The following LPAR3 variants were observed in gnomAD, a reference collection of about 807,000 sequenced individuals.
LPAR3 encodes the protein lysophosphatidic acid receptor 3, also known as LPA receptor 3.
Under a neutral mutation model 17.8 loss-of-function variants are expected in LPAR3, and 7 were observed. The ratio of observed to expected loss-of-function variants is 0.39; its 90% CI spans 0.22 to 0.74. The LOEUF (loss-of-function observed/expected upper bound fraction) is 0.74. Among genes scored for constraint, LPAR3 ranks in the 30% least tolerant of loss-of-function variants. LPAR3 has a pLI of 0.40. For missense variants in LPAR3, 391 were observed against 453.4 expected (o/e 0.86, Z 1.25); for synonymous variants, 179 against 179.9 (o/e 0.99, Z 0.04).
chr1:84,831,517 T>TTA (rs749343752), intron 2 of LPAR3, among the ~76,000 whole-genome samples: 38 of 143,916 alleles, frequency 2.6e-4, no homozygotes, highest in Admixed American at 4.4e-4. Flanking sequence ...TTACATTGCA[T>TTA]TATATATATA....
chr1:84,822,207 T>A (rs1042866746), intron 2 of LPAR3, among the ~76,000 whole-genome samples: 3 of 152,162 alleles, frequency 2.0e-5, no homozygotes, highest in Non-Finnish European at 4.4e-5. Context: ...AATTTTTTTT[T>A]ATTTTAATGA....
chr1:84,817,163 T>C (rs910090133), intron 2 of LPAR3, among the ~76,000 whole-genome samples: 1 of 152,146 alleles, frequency 6.6e-6, no homozygotes, highest in African/African-American at 2.4e-5. Context: ...AGTCTGAGCA[T>C]TGAGGCTAAA....
chr1:84,830,156 G>T lies in LPAR3; in HGVS notation c.737-15985C>A, dbSNP rs920526800. 2.0e-5 allele frequency among the ~76,000 whole-genome samples: 3 copies of T among 152,306 alleles called. No homozygotes were observed. The South Asian group carries it at 6.2e-4, about 32-fold the overall frequency. On this transcript the variant is annotated intron_variant, in intron 2 of 2. Coordinates refer to ENST00000370611, the MANE Select transcript of LPAR3 (RefSeq NM_012152.3). ...TCTTGGTCAAGGTCAACCTGTTCTC[G>T]TAGCTAGTTCTGCTAGTTCTCTCTC...
Position 84,879,316 on chromosome 1 carries a change from C to CTTTTTTTTTTTTTTTTTTTT in LPAR3, c.-18-13179_-18-13178insAAAAAAAAAAAAAAAAAAAA, listed in dbSNP as rs1187756554. 7.7e-4 allele frequency among the ~76,000 whole-genome samples: 93 copies of CTTTTTTTTTTTTTTTTTTTT among 120,612 alleles called. 1 individual carries two copies. The highest frequency in any genetic ancestry group is 1.3e-3 in the African/African-American group (38 of 28,660). The allele number at this position is 120,612 out of a possible 152,430, so 79.1% of individuals were successfully genotyped here. A position where few individuals can be genotyped will look rare whatever the true frequency, so the allele number is the denominator to read the frequency against. ...TTTTCTTTCTTTTCTTTTCTTTTTT[C>CTTTTTTTTTTTTTTTTTTTT]TTTTTTTTTTTTTGAGATGGAATCT... On this transcript the variant is annotated intron_variant, in intron 1 of 2. Coordinates refer to ENST00000370611, the MANE Select transcript of LPAR3 (RefSeq NM_012152.3).
intron 1 of LPAR3, among the ~76,000 whole-genome samples, chr1:84,868,316 G>T (rs1235247872): frequency 2.0e-5 from 3 of 152,062 alleles, no homozygotes. Flanking sequence ...CACCATGTTG[G>T]CCAGGATGGT....
chr1:84,881,246 G>A (rs1660360377), intron 1 of LPAR3, among the ~76,000 whole-genome samples: 1 of 151,890 alleles, frequency 6.6e-6, no homozygotes, highest in Non-Finnish European at 1.5e-5. Context: ...AAGGGGAGGG[G>A]AAGCTTCAGA....
At chr1:84,865,224 T>C (rs935137703) in intron 2 of LPAR3, among the ~76,000 whole-genome samples, 161 bp downstream of exon 2, 1 of 152,226 alleles carries the variant, frequency 6.6e-6, no homozygotes, top group Non-Finnish European at 1.5e-5. Context: ...TATTTTATCT[T>C]TCCTTATTAG....
At chr1:84,855,497 C>G (rs765798980) in intron 2 of LPAR3, among the ~76,000 whole-genome samples, 4 of 152,086 alleles carry the variant, frequency 2.6e-5, no homozygotes, top group Non-Finnish European at 5.9e-5. Flanking sequence ...TCAAAGAGGT[C>G]AAATTTGAGA....
chr1:84,814,062 C>A lies in LPAR3; in HGVS notation c.846G>T (p.Ala282=). The change falls in exon 3 of 3, where the codon GCG becomes GCT. Residue 282 remains alanine (A), a synonymous_variant. Coordinates refer to ENST00000370611, the MANE Select transcript of LPAR3 (RefSeq NM_012152.3). The part of the protein sequence containing the change: ...QHVKRWFLLL[A]LLNSVVNPII... ...TGGGGTTCACGACGGAGTTGAGCAG[C>A]GCCAGCAGCAGGAACCACCTTTTCA... 1 of 1,614,128 alleles carries A rather than the reference C, an allele frequency of 6.2e-7. No individual in the cohort carries two copies. Among genetic ancestry groups the A allele is most frequent in the South Asian group, 1.1e-5 (1 of 91,074 alleles).
chr1:84,869,864 T>C (rs1051710897), intron 1 of LPAR3, among the ~76,000 whole-genome samples: 15 of 152,210 alleles, frequency 9.9e-5, no homozygotes, highest in African/African-American at 3.6e-4. Context: ...CTTCAGGGTT[T>C]TTCAGTGACA....
At chr1:84,857,650 T>C (rs1256036963) in intron 2 of LPAR3, among the ~76,000 whole-genome samples, 3 of 152,226 alleles carry the variant, frequency 2.0e-5, no homozygotes, top group Non-Finnish European at 4.4e-5. Flanking sequence ...AAATGAACTT[T>C]ATAGAAACCA....
chr1:84,886,893 AT>A (rs1660471306), intron 1 of LPAR3, among the ~76,000 whole-genome samples: 1 of 152,202 alleles, frequency 6.6e-6, no homozygotes, highest in East Asian at 1.9e-4. Flanking sequence ...AGGGGTCCCC[AT>A]TGGCCAAATT....
chr1:84,852,568 G>A (rs545868348), intron 2 of LPAR3, among the ~76,000 whole-genome samples: 4 of 152,186 alleles, frequency 2.6e-5, no homozygotes, highest in Admixed American at 6.5e-5. Flanking sequence ...GTGTGCACGT[G>A]ACAGCAGCTG....
chr1:84,848,810 A>G (rs1659640512), intron 2 of LPAR3, among the ~76,000 whole-genome samples: 1 of 152,058 alleles, frequency 6.6e-6, no homozygotes, highest in Non-Finnish European at 1.5e-5. Context: ...GTGAGACAGC[A>G]TTCGTTAAGT....
intron 2 of LPAR3, among the ~76,000 whole-genome samples, chr1:84,847,293 C>A (rs1659610771): frequency 6.6e-6 from 1 of 152,136 alleles, no homozygotes. Flanking sequence ...CTTCAGAATA[C>A]CTCAGTTGTT....
rs1333357536 is a variant in LPAR3 at position 84,811,608 on chromosome 1, C to G, written c.*2238G>C. ...TGCACCTCAACAAGAGAGAACAGAT[C>G]TTTTAAAATTTTATTTTATAGGTAG... On this transcript the variant is annotated 3_prime_UTR_variant, in exon 3 of 3. Transcript: ENST00000370611. The G allele has an allele frequency of 6.6e-6, 1 of 152,230 alleles. No homozygotes were observed. The highest frequency in any genetic ancestry group is 1.9e-4 in the East Asian group (1 of 5,178). 9.4% of individuals were successfully genotyped at this position (152,230 alleles called of 1,614,324 possible).
chr1:84,818,253 A>G (rs1303923590), intron 2 of LPAR3, among the ~76,000 whole-genome samples: 2 of 152,258 alleles, frequency 1.3e-5, no homozygotes, highest in African/African-American at 2.4e-5. Flanking sequence ...GAATTATTTT[A>G]TGTAATTCAA....
rs1174267733 is a variant in LPAR3 at position 84,866,766 on chromosome 1, T to C, written c.-18-628A>G. Among the ~76,000 whole-genome samples, 3 of 152,218 alleles carry C rather than the reference T, an allele frequency of 2.0e-5. No homozygotes were observed. The East Asian group carries it at 5.8e-4, about 29-fold the overall frequency. ...TCCTGATCCTCCTTTTGCCATCTTT[T>C]GGTTTCAACAAACAACTCTGATATT... On this transcript the variant is annotated intron_variant, in intron 1 of 2. Transcript: ENST00000370611.
At chr1:84,871,713 T>C (rs1660160956) in intron 1 of LPAR3, among the ~76,000 whole-genome samples, 1 of 152,174 alleles carries the variant, frequency 6.6e-6, no homozygotes, top group Non-Finnish European at 1.5e-5. Flanking sequence ...AAAATCAGGA[T>C]AGCATGGAAG....
Sources: gnomAD v4.1 joint callset for allele counts (sites outside exome capture counted in the v4.1 genomes callset) on GRCh38, gnomAD v4.1.1 for gene constraint, MANE v1.5 for transcripts, NCBI Gene and HGNC (gene_info 2026-07-23, HGNC 2026-07-21) for gene names.